Variants in OR51I2 observed in about 807,000 individuals in gnomAD.
OR51I2 encodes the protein olfactory receptor family 51 subfamily I member 2.
A neutral mutation model predicts 9.3 loss-of-function variants in OR51I2; 6 were observed. The observed-to-expected ratio is 0.64, with a 90% CI of 0.35 to 1.27. The LOEUF (loss-of-function observed/expected upper bound fraction) is 1.27. OR51I2 is among the 50% of genes most tolerant of loss of function. The pLI, the probability that OR51I2 is intolerant of heterozygous loss-of-function variation, is 0.03. For synonymous variants in OR51I2, 179 were observed against 143.1 expected, an observed-to-expected ratio of 1.25 and a Z score of -1.79; for missense variants, 489 against 396.4, an observed-to-expected ratio of 1.23 and a Z score of -1.98.
intron 1 of OR51I2, among the ~76,000 whole-genome samples, chr11:5,451,592 G>T (rs6578647): frequency 6.6e-6 from 1 of 151,980 alleles, no homozygotes; most frequent in Admixed American, 6.5e-5. Context: ...TGTGAGTTAT[G>T]TATTGCTGGG....
chr11:5,452,504 C>CAAAAAAAAAA lies in OR51I2; in HGVS notation c.-230-724_-230-715dup, dbSNP rs56677841. 3.0e-4 allele frequency among the ~76,000 whole-genome samples: 21 copies of CAAAAAAAAAA among 69,208 alleles called. 1 individual carries two copies. The highest frequency in any genetic ancestry group is 6.2e-4 in the Admixed American group (3 of 4,822). The allele number at this position is 69,208 out of a possible 152,430, so 45.4% of individuals were successfully genotyped here. A position where few individuals can be genotyped will look rare whatever the true frequency, so the allele number is the denominator to read the frequency against. ...TGGGCAAAAGAGAGAGACTCTGTCTCAAAAAAAAAAAAAAAAAAAAAAAAA... is the reference window on the plus strand; with the variant it reads ...TGGGCAAAAGAGAGAGACTCTGTCTCAAAAAAAAAAAAAAAAAAAAAAAAAAAAAAAAAAA... On this transcript the variant is annotated intron_variant, in intron 1 of 1. Coordinates refer to ENST00000641930, the MANE Select transcript of OR51I2 (RefSeq NM_001004754.3).
intron 1 of OR51I2, among the ~76,000 whole-genome samples, chr11:5,450,784 T>C (rs1850833456): frequency 6.6e-6 from 1 of 152,220 alleles, no homozygotes; most frequent in Non-Finnish European, 1.5e-5. Context: ...AGAGAGTCAC[T>C]GTTCAACTCC....
Position 5,453,936 on chromosome 11 carries a change from G to A in OR51I2, c.448G>A (p.Ala150Thr). ...VIAAMGLGAA[A>T]RSFITLFPLP... ...TGCTGCAATGGGTTTAGGTGCAGCT[G>A]CTCGAAGCTTCATCACCCTTTTCCC... Residue 150 changes from alanine (A) to threonine (T), a missense_variant, in exon 2 of 2, where the codon GCT (alanine) becomes ACT (threonine). Ala to Thr is a moderately conservative substitution (Grantham distance 58). Transcript: ENST00000641930. 6.2e-7 allele frequency: 1 copy of A among 1,614,156 alleles called. No individual in the cohort carries two copies. Among genetic ancestry groups the A allele is most frequent in the Non-Finnish European group, 8.5e-7 (1 of 1,180,020 alleles).
Position 5,452,447 on chromosome 11 carries a change from G to C in OR51I2, c.-230-812G>C, listed in dbSNP as rs963773879. On this transcript the variant is annotated intron_variant, in intron 1 of 1. Transcript: ENST00000641930. Reference sequence around the variant, plus strand: ...CGTGAACCCGGGAGGTGGAGTTGCAGTGAGCCGAGATTGCACCACTGCACT... The same window carrying C: ...CGTGAACCCGGGAGGTGGAGTTGCACTGAGCCGAGATTGCACCACTGCACT... Among the ~76,000 whole-genome samples, 10 of 135,166 alleles carry C rather than the reference G, an allele frequency of 7.4e-5. No homozygotes were observed. In the Admixed American group the frequency reaches 8.5e-4, roughly 12 times the overall value. The allele number at this position is 135,166 out of a possible 152,430, so 88.7% of individuals were successfully genotyped here. A position where few individuals can be genotyped will look rare whatever the true frequency, so the allele number is the denominator to read the frequency against.
chr11:5,456,393 G>A lies in OR51I2; in HGVS notation c.*1966G>A, dbSNP rs1249083807. The A allele has an allele frequency of 2.0e-5, 3 of 152,118 alleles. No homozygotes were observed. Among genetic ancestry groups the A allele is most frequent in the Non-Finnish European group, 4.4e-5 (3 of 68,016 alleles). 9.4% of individuals were successfully genotyped at this position (152,118 alleles called of 1,614,324 possible). On this transcript the variant is annotated 3_prime_UTR_variant, in exon 2 of 2. Coordinates refer to ENST00000641930, the MANE Select transcript of OR51I2 (RefSeq NM_001004754.3). Reference sequence around the variant, plus strand: ...ATGAGACAGATGCCATAAGAAAAATGTAGGGCCACTCCTGCAGCTCTAATC... The same window carrying A: ...ATGAGACAGATGCCATAAGAAAAATATAGGGCCACTCCTGCAGCTCTAATC...
At chr11:5,450,120 G>T (rs1850821334) in intron 1 of OR51I2, among the ~76,000 whole-genome samples, 1 of 152,194 alleles carries the variant, frequency 6.6e-6, no homozygotes, top group African/African-American at 2.4e-5. Context: ...CAGGCGTGGT[G>T]GCTCATACCT....
chr11:5,453,442 C>T lies in OR51I2; in HGVS notation c.-47C>T. The T allele has an allele frequency of 7.3e-7, 1 of 1,368,622 alleles. No individual in the cohort carries two copies. The highest frequency in any genetic ancestry group is 9.9e-7 in the Non-Finnish European group (1 of 1,013,894). 84.8% of individuals were successfully genotyped at this position (1,368,622 alleles called of 1,614,324 possible). On this transcript the variant is annotated 5_prime_UTR_variant, in exon 2 of 2. Coordinates refer to ENST00000641930, the MANE Select transcript of OR51I2 (RefSeq NM_001004754.3). ...AGCAAGTGCAACTGTTAGAATTCTC[C>T]AAGTCAGAAGATCTGACTCTGAAAA...
rs888360696 is a variant in OR51I2, at chr11:5,456,364, C to T, written c.*1937C>T. The stretch of plus-strand genomic sequence containing the variant: ...AAATGCACATTTATATTTTTCCCTC[C>T]CTCATGAGACAGATGCCATAAGAAA... On this transcript the variant is annotated 3_prime_UTR_variant, in exon 2 of 2. Coordinates refer to ENST00000641930, the MANE Select transcript of OR51I2 (RefSeq NM_001004754.3). The T allele has an allele frequency of 2.0e-5, 3 of 152,032 alleles. No homozygotes were observed. Among genetic ancestry groups the T allele is most frequent in the Non-Finnish European group, 4.4e-5 (3 of 68,002 alleles). The allele number at this position is 152,032 out of a possible 1,614,324, so 9.4% of individuals were successfully genotyped here. A position where few individuals can be genotyped will look rare whatever the true frequency, so the allele number is the denominator to read the frequency against.
chr11:5,452,321 G>A (rs1293164762), intron 1 of OR51I2, among the ~76,000 whole-genome samples: 8 of 151,766 alleles, frequency 5.3e-5, no homozygotes, highest in East Asian at 1.9e-4. Flanking sequence ...TGGCTAACAC[G>A]GTGAAACCCC....
rs764230863 is a variant in OR51I2, at chr11:5,453,515, T to G, written c.27T>G (p.Pro9=). 2.5e-6 allele frequency: 4 copies of G among 1,574,450 alleles called. No individual in the cohort carries two copies. Among genetic ancestry groups the G allele is most frequent in the East Asian group, 2.2e-5 (1 of 44,684 alleles). The part of the protein sequence containing the change: MGLFNVTH[P]AFFLLTGIPG... The stretch of plus-strand genomic sequence containing the variant: ...TGGGGTTGTTCAATGTCACTCACCC[T>G]GCATTCTTCCTCCTGACTGGTATCC... The change falls in exon 2 of 2, where the codon CCT becomes CCG. Residue 9 remains proline, a synonymous_variant. Coordinates refer to ENST00000641930, the MANE Select transcript of OR51I2 (RefSeq NM_001004754.3).
rs766593008 is a variant in OR51I2, at chr11:5,453,473, C to T, written c.-16C>T. The T allele has an allele frequency of 2.0e-6, 3 of 1,503,968 alleles. No individual in the cohort carries two copies. The highest frequency in any genetic ancestry group is 1.4e-5 in the South Asian group (1 of 73,032). The allele number at this position is 1,503,968 out of a possible 1,614,324, so 93.2% of individuals were successfully genotyped here. A position where few individuals can be genotyped will look rare whatever the true frequency, so the allele number is the denominator to read the frequency against. ...AGAAGATCTGACTCTGAAAAGTACC[C>T]TAAGTTTGTTTTGCTATGGGGTTGT... On this transcript the variant is annotated 5_prime_UTR_variant, in exon 2 of 2. Coordinates refer to ENST00000641930, the MANE Select transcript of OR51I2 (RefSeq NM_001004754.3).
chr11:5,449,988 C>G (rs559414302), intron 1 of OR51I2, among the ~76,000 whole-genome samples: 1 of 152,120 alleles, frequency 6.6e-6, no homozygotes, highest in Non-Finnish European at 1.5e-5. Context: ...TTTCTGCCCC[C>G]ATAACAGCAC....
In OR51I2 at chr11:5,452,504, C is replaced by CAAA. The variant is rs56677841; in HGVS notation, c.-230-717_-230-715dup. The stretch of plus-strand genomic sequence containing the variant: ...TGGGCAAAAGAGAGAGACTCTGTCT[C>CAAA]AAAAAAAAAAAAAAAAAAAAAAAAA... On this transcript the variant is annotated intron_variant, in intron 1 of 1. Transcript: ENST00000641930. Among the ~76,000 whole-genome samples the CAAA allele has an allele frequency of 7.8e-4, 54 of 69,212 alleles. 6 individuals carry two copies. The highest frequency in any genetic ancestry group is 0.011 in the Middle Eastern group (1 of 92). 45.4% of individuals were successfully genotyped at this position (69,212 alleles called of 152,430 possible).
rs145725236 is a variant in OR51I2 at position 5,453,636 on chromosome 11, C to A, written c.148C>A (p.Arg50=). The A allele has an allele frequency of 9.9e-6, 16 of 1,613,374 alleles. No homozygotes were observed. Among genetic ancestry groups the A allele is most frequent in the African/African-American group, 2.7e-5 (2 of 74,882 alleles). ...AAATACAGTGATCCTGCAGGCTGTG[C>A]GAGTGGAGCCCAGCCTCCATGAGCC... ...GGNTVILQAV[R]VEPSLHEPMY... is the part of the protein sequence containing the mutation. The change falls in exon 2 of 2, where the codon CGA becomes AGA. Residue 50 remains arginine, a synonymous_variant. Transcript: ENST00000641930.
chr11:5,449,809 A>G (rs1850817411), intron 1 of OR51I2, among the ~76,000 whole-genome samples: 1 of 152,216 alleles, frequency 6.6e-6, no homozygotes, highest in Non-Finnish European at 1.5e-5. Context: ...TTATGAATTC[A>G]GTGATAACAA....
Position 5,456,270 on chromosome 11 carries a change from G to C in OR51I2, c.*1843G>C, listed in dbSNP as rs1258678659. 1 of 152,122 alleles carries C rather than the reference G, an allele frequency of 6.6e-6. No homozygotes were observed. Among genetic ancestry groups the C allele is most frequent in the Non-Finnish European group, 1.5e-5 (1 of 68,022 alleles). 9.4% of individuals were successfully genotyped at this position (152,122 alleles called of 1,614,324 possible). A position where few individuals can be genotyped will look rare whatever the true frequency, so the allele number is the denominator to read the frequency against. The stretch of plus-strand genomic sequence containing the variant: ...CTCCCAAAAAGCCTCTGGCTCCTTT[G>C]TACCTTAATTTCACCTTCCTTTTTT... On this transcript the variant is annotated 3_prime_UTR_variant, in exon 2 of 2. Transcript: ENST00000641930.
intron 1 of OR51I2, among the ~76,000 whole-genome samples, chr11:5,449,694 C>T (rs992240819): frequency 3.3e-5 from 5 of 152,122 alleles, no homozygotes; most frequent in Admixed American, 6.5e-5. Context: ...GAGAGGGAAG[C>T]AGGACTCAGG....
Position 5,454,422 on chromosome 11 carries a change from A to C in OR51I2, c.934A>C (p.Ile312Leu). 1.2e-6 allele frequency: 2 copies of C among 1,603,054 alleles called. No homozygotes were observed. The highest frequency in any genetic ancestry group is 1.7e-6 in the Non-Finnish European group (2 of 1,177,888). The change falls in exon 2 of 2, where the codon ATA becomes CTA. Residue 312 changes from isoleucine to leucine, a missense_variant. Transcript: ENST00000641930. ...TTTCCGCATGTTTCACCACATCAAAATATGACTTTCACACTTGGCTTTAGA... is the reference window on the plus strand; with the variant it reads ...TTTCCGCATGTTTCACCACATCAAACTATGACTTTCACACTTGGCTTTAGA... ...AIFRMFHHIK[I>L]
At chr11:5,451,234 C>T (rs1377066404) in intron 1 of OR51I2, among the ~76,000 whole-genome samples, 1 of 152,218 alleles carries the variant, frequency 6.6e-6, no homozygotes, top group Non-Finnish European at 1.5e-5. Flanking sequence ...GTCAGGCAGT[C>T]TTTCTTCTAC....
Sources: gnomAD v4.1 joint callset for allele counts (sites outside exome capture counted in the v4.1 genomes callset) on GRCh38, gnomAD v4.1.1 for gene constraint, MANE v1.5 for transcripts, NCBI Gene and HGNC (gene_info 2026-07-23, HGNC 2026-07-21) for gene names.